The following ESRRG variants were observed in gnomAD, a reference collection of about 807,000 sequenced individuals.
The protein encoded by ESRRG is estrogen-related receptor gamma.
A neutral mutation model predicts 44.0 loss-of-function variants in ESRRG; 13 were observed. The ratio of observed to expected loss-of-function variants is 0.30; its 90% CI spans 0.19 to 0.47. The LOEUF is 0.47. ESRRG is among the 20% of genes least tolerant of loss of function. The pLI is 1.00. For synonymous variants in ESRRG, 215 were observed against 214.6 expected, an observed-to-expected ratio of 1.00 and a Z score of -0.02; for missense variants, 395 against 580.6, an observed-to-expected ratio of 0.68 and a Z score of 3.29.
chr1:216,779,249 A>ATTTATAAATATAATG (rs2093760991), intron 2 of ESRRG, among the ~76,000 whole-genome samples: 1 of 81,962 alleles, frequency 1.2e-5, no homozygotes, highest in Non-Finnish European at 2.0e-5. Flanking sequence ...ATATATTTAT[A>ATTTATAAATATAATG]TTTATAAATA....
rs555343481 is a variant in ESRRG at position 216,858,393 on chromosome 1, T to C, written c.-14+81189A>G. Among the ~76,000 whole-genome samples, 6 of 152,140 alleles carry C rather than the reference T, an allele frequency of 3.9e-5. No individual in the cohort carries two copies. In the South Asian group the frequency reaches 1.2e-3, roughly 32 times the overall value. ...TGGAGCTTGCAGTGAGCTGAGATTG[T>C]ACCATTGCACTACAGCCTGGGCGAC... On this transcript the variant is annotated intron_variant, in intron 2 of 7. Coordinates refer to the ESRRG transcript ENST00000359162.
intron 1 of ESRRG, among the ~76,000 whole-genome samples, chr1:216,990,430 C>A (rs978786399): frequency 2.6e-5 from 4 of 152,132 alleles, no homozygotes; most frequent in South Asian, 2.1e-4. Context: ...GTGCATAGTA[C>A]CTTTTTGTAT....
At chr1:217,087,276 G>T (rs1009671323) in intron 1 of ESRRG, among the ~76,000 whole-genome samples, 1 of 152,132 alleles carries the variant, frequency 6.6e-6, no homozygotes, top group African/African-American at 2.4e-5. Context: ...GCTGTCTGCC[G>T]GGTTAGTTAT....
chr1:216,604,615 T>C (rs1052678933), intron 3 of ESRRG, among the ~76,000 whole-genome samples: 7 of 152,174 alleles, frequency 4.6e-5, no homozygotes, highest in African/African-American at 1.7e-4. Flanking sequence ...AGAGCTTTCA[T>C]AAATGGATCA....
At chr1:217,008,485 G>T (rs2818759) in intron 1 of ESRRG, among the ~76,000 whole-genome samples, 113,959 of 152,160 alleles carry the variant, frequency 0.75, 43,356 homozygotes, top group African/African-American at 0.88. Context: ...TCCTTGAAGT[G>T]GCATAGGCAA....
At chr1:217,136,401 C>T (rs2093050174) in intron 1 of ESRRG, among the ~76,000 whole-genome samples, 1 of 152,204 alleles carries the variant, frequency 6.6e-6, no homozygotes, top group Non-Finnish European at 1.5e-5. Context: ...CAATAACCCA[C>T]TCAGCAACTT....
intron 2 of ESRRG, among the ~76,000 whole-genome samples, chr1:216,674,878 G>C (rs893851987): frequency 3.9e-5 from 6 of 151,938 alleles, no homozygotes; most frequent in Non-Finnish European, 8.8e-5. Context: ...CTCCCAAAGT[G>C]GTGGGATTAC....
intron 1 of ESRRG, among the ~76,000 whole-genome samples, chr1:216,986,880 A>G (rs760513215): frequency 1.3e-5 from 2 of 152,192 alleles, no homozygotes; most frequent in Non-Finnish European, 2.9e-5. Flanking sequence ...AAATTTACAT[A>G]ATGTTGCCAA....
At position 216,821,427 on chromosome 1, in the gene ESRRG, T is replaced by C. The variant is rs570362788; in HGVS notation, c.-14+118155A>G. On this transcript the variant is annotated intron_variant, in intron 2 of 7. Coordinates refer to the ESRRG transcript ENST00000359162. ...TAGGCCAAGCACGGTGGCTCCTGTC[T>C]GTAATCCCAGGGCTTTGTGGGGCCA... 1.2e-4 allele frequency among the ~76,000 whole-genome samples: 18 copies of C among 152,200 alleles called. No homozygotes were observed. The South Asian group carries it at 3.7e-3, about 32-fold the overall frequency.
At chr1:216,768,031 T>A (rs2093171922) in intron 2 of ESRRG, among the ~76,000 whole-genome samples, 1 of 152,120 alleles carries the variant, frequency 6.6e-6, no homozygotes, top group Non-Finnish European at 1.5e-5. Flanking sequence ...GCTGGCCCAT[T>A]ATGTGCTAGG....
intron 2 of ESRRG, chr1:216,864,656 C>A (rs894427093): frequency 6.6e-6 from 1 of 152,162 alleles, no homozygotes; most frequent in Non-Finnish European, 1.5e-5. Context: ...GAGTTAGGAA[C>A]AACTCCGTGT....
At chr1:216,708,764 C>T (rs1180618952) in intron 1 of ESRRG, among the ~76,000 whole-genome samples, 4 of 152,106 alleles carry the variant, frequency 2.6e-5, no homozygotes. Context: ...CACATGCACA[C>T]GTATGTTTAT....
Position 216,530,133 on chromosome 1 carries a change from A to AAG in ESRRG, c.863-10713_863-10712insCT, listed in dbSNP as rs1491152312. Among the ~76,000 whole-genome samples, 476 of 135,930 alleles carry AAG rather than the reference A, an allele frequency of 3.5e-3. 3 individuals are homozygous for AAG. The highest frequency in any genetic ancestry group is 0.013 in the African/African-American group (449 of 34,484). 89.2% of individuals were successfully genotyped at this position (135,930 alleles called of 152,430 possible). Reference sequence around the variant, plus strand: ...TCAAAAAAAAAAAAAAAAAAAAAAAAGGGGGTGGGGGAAAGAATAGTAACT... The same window carrying AAG: ...TCAAAAAAAAAAAAAAAAAAAAAAAAAGGGGGGTGGGGGAAAGAATAGTAACT... On this transcript the variant is annotated intron_variant, in intron 5 of 6. Coordinates refer to ENST00000408911, the MANE Select transcript of ESRRG (RefSeq NM_001438.4).
chr1:217,108,835 A>G (rs974893943), intron 1 of ESRRG, among the ~76,000 whole-genome samples: 13 of 152,138 alleles, frequency 8.5e-5, no homozygotes, highest in Non-Finnish European at 1.5e-4. Context: ...ATTACCCAGT[A>G]TCAGGCATTT....
chr1:216,692,308 GTGTA>G (rs1224241151), intron 1 of ESRRG, among the ~76,000 whole-genome samples: 38 of 29,350 alleles, frequency 1.3e-3, no homozygotes, highest in African/African-American at 4.5e-3. Flanking sequence ...GCCTAGGCTA[GTGTA>G]TGTGTGTGTG....
At chr1:216,639,739 G>A (rs549836962) in intron 3 of ESRRG, among the ~76,000 whole-genome samples, 41 of 152,224 alleles carry the variant, frequency 2.7e-4, no homozygotes, top group Non-Finnish European at 4.9e-4. Context: ...AGAAAAATAG[G>A]AAAGGGATTT....
At chr1:216,856,013 C>T (rs906935934) in intron 2 of ESRRG, among the ~76,000 whole-genome samples, 3 of 152,134 alleles carry the variant, frequency 2.0e-5, no homozygotes, top group Non-Finnish European at 2.9e-5. Context: ...CTTCAAATGT[C>T]TTCTTTTTGT....
In ESRRG at chr1:216,748,066, A is replaced by G. The variant is rs138098070; in HGVS notation, c.-13-70575T>C. 3.3e-5 allele frequency among the ~76,000 whole-genome samples: 5 copies of G among 152,344 alleles called. No homozygotes were observed. In the East Asian group the frequency reaches 9.6e-4, roughly 29 times the overall value. ...AAATGTAGGGCATTCAGATAGGACT[A>G]TATTGGGATGTAATTATTGATTTAC... On this transcript the variant is annotated intron_variant, in intron 2 of 7. Coordinates refer to the ESRRG transcript ENST00000359162.
chr1:217,080,671 G>GTTTTTTTTTTTTTTTTTTT (rs34598045), intron 1 of ESRRG, among the ~76,000 whole-genome samples: 1 of 65,246 alleles, frequency 1.5e-5, no homozygotes, highest in African/African-American at 6.2e-5. Context: ...TGTTTTTTTG[G>GTTTTTTTTTTTTTTTTTTT]TTTTTTTTTT....
Sources: allele counts gnomAD v4.1 joint callset (sites outside exome capture counted in the v4.1 genomes callset), GRCh38; gene constraint gnomAD v4.1.1; transcripts MANE v1.5; gene names NCBI Gene and HGNC (gene_info 2026-07-23, HGNC 2026-07-21).